The following SNTA1 variants were observed in gnomAD, a reference collection of about 807,000 sequenced individuals.
SNTA1 encodes alpha-1-syntrophin.
SNTA1 carries 31 observed loss-of-function variants against 47.1 expected under a neutral mutation model. That is an observed-to-expected ratio of 0.66 (90% CI 0.49 to 0.89). SNTA1 has a LOEUF of 0.89. Among genes scored for constraint, SNTA1 ranks in the 40% least tolerant of loss-of-function variants. SNTA1 has a pLI of 0.00. For synonymous variants in SNTA1, 300 were observed against 313.6 expected (o/e 0.96, Z 0.46); for missense variants, 575 against 693.0 (o/e 0.83, Z 1.91).
chr20:33,429,574 G>A lies in SNTA1; in HGVS notation c.496+9267C>T, dbSNP rs1990245209. Reference sequence around the variant, plus strand: ...GAACCCAGGAGGCAGAGGTTGCAGTGAGCCGAGATCATGCCATTGCACTCC... The same window carrying A: ...GAACCCAGGAGGCAGAGGTTGCAGTAAGCCGAGATCATGCCATTGCACTCC... On this transcript the variant is annotated intron_variant, in intron 2 of 7. Coordinates refer to ENST00000217381, the MANE Select transcript of SNTA1 (RefSeq NM_003098.3). 2.0e-5 allele frequency among the ~76,000 whole-genome samples: 3 copies of A among 151,446 alleles called. No individual in the cohort carries two copies. The Admixed American group carries it at 2.0e-4, about 10-fold the overall frequency.
At chr20:33,436,357 G>T (rs769084544) in intron 2 of SNTA1, among the ~76,000 whole-genome samples, 1 of 152,134 alleles carries the variant, frequency 6.6e-6, no homozygotes. Context: ...ATGACATTTC[G>T]ATGAATGTCA....
At chr20:33,439,102 T>G in intron 1 of SNTA1, 76 bp from the exon 2 acceptor site, 1 of 1,308,650 alleles carries the variant, frequency 7.6e-7, no homozygotes. Context: ...ACACAATTAT[T>G]TCTGAAGGCT....
At chr20:33,414,245 CAAAAAAAAAAA>C (rs56186098) in intron 3 of SNTA1, among the ~76,000 whole-genome samples, 905 of 29,288 alleles carry the variant, frequency 0.031, 36 homozygotes, top group African/African-American at 0.099. Flanking sequence ...TCTCAAAAAC[CAAAAAAAAAAA>C]AAAAAAAAAA....
intron 1 of SNTA1, among the ~76,000 whole-genome samples, chr20:33,440,057 G>A (rs941163401): frequency 1.1e-4 from 17 of 152,076 alleles, no homozygotes; most frequent in African/African-American, 3.4e-4. Context: ...CCCAGGAGGC[G>A]GAGGTTGCAG....
intron 3 of SNTA1, among the ~76,000 whole-genome samples, chr20:33,415,940 C>T (rs1300303620): frequency 1.3e-5 from 2 of 152,024 alleles, no homozygotes. Context: ...GAAACCCCAT[C>T]TCTAATAAAA....
intron 2 of SNTA1, among the ~76,000 whole-genome samples, chr20:33,421,861 G>T (rs1990030669): frequency 6.6e-6 from 1 of 150,780 alleles, no homozygotes. Context: ...GGAGGCTGAG[G>T]TGGGAGGATT....
Position 33,443,292 on chromosome 20 carries a change from C to A in SNTA1, c.310+19G>T. On this transcript the variant is annotated intron_variant, in intron 1 of 7. Transcript: ENST00000217381. ...CCCCCAGACACCACGACCCCGCGCCCTCGGTGTCCCGCGCCCACCTTTGAT... is the reference window on the plus strand; with the variant it reads ...CCCCCAGACACCACGACCCCGCGCCATCGGTGTCCCGCGCCCACCTTTGAT... 1.3e-6 allele frequency: 2 copies of A among 1,502,368 alleles called. No homozygotes were observed. The highest frequency in any genetic ancestry group is 1.4e-5 in the African/African-American group (1 of 69,770). The allele number at this position is 1,502,368 out of a possible 1,614,324, so 93.1% of individuals were successfully genotyped here.
intron 2 of SNTA1, among the ~76,000 whole-genome samples, chr20:33,426,828 A>G (rs1990182270): frequency 1.3e-5 from 2 of 151,896 alleles, no homozygotes; most frequent in Admixed American, 6.6e-5. Context: ...TTGGGAGTTC[A>G]AGGCAGGACG....
At chr20:33,438,591 T>C (rs1990499456) in intron 2 of SNTA1, among the ~76,000 whole-genome samples, 1 of 152,214 alleles carries the variant, frequency 6.6e-6, no homozygotes, top group Admixed American at 6.6e-5. Flanking sequence ...TGAAGTGACT[T>C]GTCCAGGGCT....
In SNTA1 at chr20:33,421,248, C is replaced by T. The variant is rs145466305; in HGVS notation, c.497-3325G>A. On this transcript the variant is annotated intron_variant, in intron 2 of 7. Transcript: ENST00000217381. ...TGCTCTTGGATTTGAATTCCAGCTC[C>T]AGCACTGTCTAACTGTGTAACCATG... 9.2e-3 allele frequency among the ~76,000 whole-genome samples: 1,407 copies of T among 152,176 alleles called. 16 individuals carry two copies. The highest frequency in any genetic ancestry group is 0.011 in the Non-Finnish European group (740 of 68,028).
intron 1 of SNTA1, among the ~76,000 whole-genome samples, chr20:33,441,756 C>T (rs1990583693): frequency 6.6e-6 from 1 of 152,098 alleles, no homozygotes; most frequent in African/African-American, 2.4e-5. Context: ...CTTTGTGTGA[C>T]CTTGCAAAGT....
rs1425754256 is a variant in SNTA1 at position 33,412,332 on chromosome 20, C to G, written c.1004G>C (p.Ser335Thr). 6.2e-7 allele frequency: 1 copy of G among 1,612,010 alleles called. No homozygotes were observed. The highest frequency in any genetic ancestry group is 8.5e-7 in the Non-Finnish European group (1 of 1,179,568). ...GAGTGGGGCAGTACGGGCTGGCCGG[C>G]TCAGGGCCTCGCGGGTCTCGGGGAG... is the stretch of plus-strand genomic sequence containing the variant. ...LSLPETREAL[S>T]RPARTAPLIA... The change falls in exon 5 of 8, where the codon AGC (serine) becomes ACC (threonine). Residue 335 changes from serine (S) to threonine (T), a missense_variant. Physicochemically the swap from Ser to Thr is moderately conservative, Grantham distance 58. Transcript: ENST00000217381.
chr20:33,434,698 ACT>A (rs1198894438), intron 2 of SNTA1, among the ~76,000 whole-genome samples: 2 of 143,440 alleles, frequency 1.4e-5, no homozygotes, highest in Non-Finnish European at 3.0e-5. Flanking sequence ...TGACGCTTAC[ACT>A]CTTTTTTTTT....
intron 2 of SNTA1, among the ~76,000 whole-genome samples, chr20:33,422,383 G>A (rs1990054102): frequency 6.6e-6 from 1 of 150,412 alleles, no homozygotes; most frequent in African/African-American, 2.5e-5. Context: ...AAGTTGCAGT[G>A]AGCTGAGATC....
chr20:33,440,182 G>C (rs183871087), intron 1 of SNTA1, among the ~76,000 whole-genome samples: 1 of 151,656 alleles, frequency 6.6e-6, no homozygotes. Context: ...ATGGCTGGGC[G>C]TGGTGGCTCA....
At chr20:33,439,473 C>A (rs1990528186) in intron 1 of SNTA1, among the ~76,000 whole-genome samples, 1 of 152,128 alleles carries the variant, frequency 6.6e-6, no homozygotes, top group Non-Finnish European at 1.5e-5. Flanking sequence ...GCTTGGGTGG[C>A]AGAAGGAGAC....
In SNTA1 at chr20:33,417,888, T is replaced by G. The variant is rs1289458220; in HGVS notation, c.532A>C (p.Asn178His). 6.2e-7 allele frequency: 1 copy of G among 1,613,972 alleles called. No individual in the cohort carries two copies. ...YMKDVSPYFK[N>H]STGGTSVGWD... ...CCGACCGAGGTCCCACCAGTAGAGT[T>G]CTTGAAATACGGTGAGACGTCCTTC... Residue 178 changes from asparagine (N) to histidine (H), a missense_variant, in exon 3 of 8, where the codon AAC becomes CAC. Physicochemically the swap from Asn to His is moderately conservative, Grantham distance 68. Coordinates refer to ENST00000217381, the MANE Select transcript of SNTA1 (RefSeq NM_003098.3).
intron 2 of SNTA1, among the ~76,000 whole-genome samples, chr20:33,422,918 G>C (rs1380166662): frequency 2.0e-5 from 3 of 152,066 alleles, no homozygotes; most frequent in African/African-American, 7.2e-5. Flanking sequence ...CAGATGCTCA[G>C]TCTGGATCCA....
At chr20:33,425,518 C>G (rs1456452790) in intron 2 of SNTA1, among the ~76,000 whole-genome samples, 4 of 151,964 alleles carry the variant, frequency 2.6e-5, no homozygotes, top group Admixed American at 1.3e-4. Flanking sequence ...AAAAATTAGC[C>G]AGGTGTGGTA....
Sources: gnomAD v4.1 joint callset for allele counts (sites outside exome capture counted in the v4.1 genomes callset) on GRCh38, gnomAD v4.1.1 for gene constraint, MANE v1.5 for transcripts, NCBI Gene and HGNC (gene_info 2026-07-23, HGNC 2026-07-21) for gene names.